Variants in VRK2 observed in about 807,000 individuals in gnomAD.
VRK2 encodes VRK serine/threonine kinase 2, also known as serine/threonine-protein kinase VRK2.
VRK2 carries 60 observed loss-of-function variants against 57.6 expected under a neutral mutation model. The observed-to-expected ratio is 1.04, with a 90% confidence interval of 0.85 to 1.29. VRK2 has a LOEUF of 1.29. Ranked by LOEUF, VRK2 falls within the 50% of genes most tolerant of loss-of-function variation. VRK2 has a pLI of 0.00. For missense variants in VRK2, 705 were observed against 588.1 expected (o/e 1.20, Z -2.06); for synonymous variants, 231 against 199.2 (o/e 1.16, Z -1.35).
At chr2:57,963,905 A>T (rs1360721529) in intron 1 of VRK2, among the ~76,000 whole-genome samples, 1 of 152,240 alleles carries the variant, frequency 6.6e-6, no homozygotes, top group African/African-American at 2.4e-5. Flanking sequence ...GTTTAATGAC[A>T]TTCCCAGTAT....
At chr2:57,920,862 C>T (rs959417033) in intron 1 of VRK2, among the ~76,000 whole-genome samples, 2 of 152,010 alleles carry the variant, frequency 1.3e-5, no homozygotes, top group African/African-American at 4.8e-5. Flanking sequence ...CACTTAAAAG[C>T]ATTTTATTAT....
Position 57,965,760 on chromosome 2 carries a change from G to A in VRK2, c.-439+57921G>A, listed in dbSNP as rs113424751. Among the ~76,000 whole-genome samples, 848 of 152,194 alleles carry A rather than the reference G, an allele frequency of 5.6e-3. 4 individuals carry two copies. Among genetic ancestry groups the A allele is most frequent in the Middle Eastern group, 0.048 (14 of 294 alleles). ...GACAACATCCATTTCATGAGATTCCGAGGCTGAGTCCAGACCCCGAACTGA... is the reference window on the plus strand; with the variant it reads ...GACAACATCCATTTCATGAGATTCCAAGGCTGAGTCCAGACCCCGAACTGA... On this transcript the variant is annotated intron_variant, in intron 1 of 15. Coordinates refer to the VRK2 transcript ENST00000417641.
At chr2:58,107,769 T>C (rs779656109) in intron 7 of VRK2, among the ~76,000 whole-genome samples, 1 of 152,194 alleles carries the variant, frequency 6.6e-6, no homozygotes, top group Non-Finnish European at 1.5e-5. Flanking sequence ...CACATCCCAG[T>C]GGACAGTGAC....
intron 1 of VRK2, among the ~76,000 whole-genome samples, chr2:58,024,135 G>A (rs1200826612): frequency 2.0e-5 from 3 of 151,996 alleles, no homozygotes; most frequent in African/African-American, 7.3e-5. Flanking sequence ...GACTACAGGC[G>A]CCGGCCACCA....
At chr2:57,961,959 C>G (rs1671774893) in intron 1 of VRK2, among the ~76,000 whole-genome samples, 1 of 152,132 alleles carries the variant, frequency 6.6e-6, no homozygotes, top group Non-Finnish European at 1.5e-5. Flanking sequence ...TGCCTGTAGT[C>G]CCAGCTGCTT....
intron 1 of VRK2, among the ~76,000 whole-genome samples, chr2:58,016,105 C>CT (rs1673573375): frequency 1.3e-5 from 2 of 152,050 alleles, no homozygotes; most frequent in South Asian, 4.1e-4. Context: ...ACTTACAAAT[C>CT]TTTTATCTTG....
chr2:58,054,768 G>C (rs1008205813), intron 2 of VRK2, among the ~76,000 whole-genome samples: 2 of 152,056 alleles, frequency 1.3e-5, no homozygotes, highest in Non-Finnish European at 2.9e-5. Flanking sequence ...TTAGATACTT[G>C]ATTTTGCAAT....
At chr2:57,914,754 T>C (rs1192314543) in intron 1 of VRK2, among the ~76,000 whole-genome samples, 2 of 152,194 alleles carry the variant, frequency 1.3e-5, no homozygotes, top group Non-Finnish European at 2.9e-5. Flanking sequence ...TTAGATTTTA[T>C]TGAGACATAA....
At chr2:57,967,070 G>T (rs1227761146) in intron 1 of VRK2, among the ~76,000 whole-genome samples, 2 of 152,090 alleles carry the variant, frequency 1.3e-5, no homozygotes, top group Non-Finnish European at 2.9e-5. Flanking sequence ...AGATAATTAA[G>T]TTATATCCTC....
At chr2:58,144,172 A>G (rs915983872) in intron 11 of VRK2, among the ~76,000 whole-genome samples, 1 of 151,886 alleles carries the variant, frequency 6.6e-6, no homozygotes, top group African/African-American at 2.4e-5. Flanking sequence ...GATCTCATTT[A>G]TAGGTGGAAT....
chr2:58,097,470 A>G (rs1385058887), intron 7 of VRK2, among the ~76,000 whole-genome samples: 1 of 152,138 alleles, frequency 6.6e-6, no homozygotes, highest in African/African-American at 2.4e-5. Flanking sequence ...ACTTGCTACA[A>G]CAACAGTAGT....
intron 3 of VRK2, 72 bp downstream of exon 3, chr2:58,084,210 C>G: frequency 6.7e-7 from 1 of 1,485,338 alleles, no homozygotes; most frequent in Non-Finnish European, 9.2e-7. Flanking sequence ...GAATGTTTTT[C>G]ACGTTAATTT....
At chr2:57,980,082 G>C (rs943133202) in intron 1 of VRK2, among the ~76,000 whole-genome samples, 7 of 151,852 alleles carry the variant, frequency 4.6e-5, no homozygotes, top group Admixed American at 3.9e-4. Flanking sequence ...CTACCTTTGG[G>C]GTTGGTTTGC....
At chr2:58,102,447 A>G (rs1674113501) in intron 7 of VRK2, among the ~76,000 whole-genome samples, 1 of 151,018 alleles carries the variant, frequency 6.6e-6, no homozygotes, top group African/African-American at 2.4e-5. Context: ...AAGCAGGAGT[A>G]GCCATGCTTG....
intron 2 of VRK2, among the ~76,000 whole-genome samples, chr2:58,080,642 T>A (rs1558608172): frequency 6.6e-6 from 1 of 151,890 alleles, no homozygotes; most frequent in Non-Finnish European, 1.5e-5. Context: ...TTCCTGAGAT[T>A]TATTTGGTTT....
chr2:58,077,184 A>G (rs944305975), intron 2 of VRK2, among the ~76,000 whole-genome samples: 8 of 151,812 alleles, frequency 5.3e-5, no homozygotes, highest in African/African-American at 1.9e-4. Context: ...TCTCCTCTAA[A>G]TTATTTATTG....
At chr2:58,052,383 C>T (rs905795553) in intron 2 of VRK2, among the ~76,000 whole-genome samples, 5 of 152,026 alleles carry the variant, frequency 3.3e-5, no homozygotes, top group East Asian at 1.9e-4. Flanking sequence ...AAGGCCCAGG[C>T]GGGTGGATTG....
chr2:57,990,501 T>C (rs147486357), intron 1 of VRK2, among the ~76,000 whole-genome samples: 1 of 152,312 alleles, frequency 6.6e-6, no homozygotes, highest in African/African-American at 2.4e-5. Context: ...ACATTAACGT[T>C]TGCCTTTCAA....
chr2:58,040,078 A>G (rs528833059), intron 3 of VRK2, among the ~76,000 whole-genome samples: 62 of 151,702 alleles, frequency 4.1e-4, no homozygotes, highest in African/African-American at 1.4e-3. Flanking sequence ...CACCTGGCTA[A>G]TTTTTTTTAC....
Sources: allele counts gnomAD v4.1 joint callset (sites outside exome capture counted in the v4.1 genomes callset), GRCh38; gene constraint gnomAD v4.1.1; transcripts MANE v1.5; gene names NCBI Gene and HGNC (gene_info 2026-07-23, HGNC 2026-07-21).